FSTL5: variants seen among roughly 807,000 people sequenced by gnomAD.
FSTL5 encodes the protein follistatin like 5.
FSTL5 carries 62 observed loss-of-function variants against 89.1 expected under a neutral mutation model. That is an observed-to-expected ratio of 0.70 (90% confidence interval 0.57 to 0.86). The LOEUF (loss-of-function observed/expected upper bound fraction) is 0.86. Among genes scored for constraint, FSTL5 ranks in the 40% least tolerant of loss-of-function variants. The pLI is 0.00. For missense variants in FSTL5, 1,057 were observed against 1,001.6 expected (o/e 1.06, Z -0.75); for synonymous variants, 383 against 346.2 (o/e 1.11, Z -1.18).
chr4:161,672,707 A>T (rs536073998), intron 6 of FSTL5, among the ~76,000 whole-genome samples: 8 of 122,858 alleles, frequency 6.5e-5, no homozygotes, highest in South Asian at 2.6e-4. Context: ...CTAAGAAATT[A>T]AAAAAAAAAA....
intron 8 of FSTL5, among the ~76,000 whole-genome samples, chr4:161,576,504 A>G (rs1256945805): frequency 2.6e-5 from 4 of 152,214 alleles, no homozygotes; most frequent in Non-Finnish European, 2.9e-5. Context: ...CAGAGACCTC[A>G]GAAATAACAC....
At chr4:161,742,621 G>A (rs913045449) in intron 6 of FSTL5, among the ~76,000 whole-genome samples, 5 of 152,172 alleles carry the variant, frequency 3.3e-5, no homozygotes, top group East Asian at 3.8e-4. Context: ...TGGCAGTGAC[G>A]CGCCAGAAGA....
intron 1 of FSTL5, among the ~76,000 whole-genome samples, chr4:162,159,771 T>G (rs1270095150): frequency 1.3e-5 from 2 of 152,004 alleles, no homozygotes; most frequent in African/African-American, 4.8e-5. Context: ...ATAATTAATG[T>G]GGTGCTATAA....
intron 15 of FSTL5, among the ~76,000 whole-genome samples, chr4:161,437,552 T>A (rs1391100518): frequency 2.3e-5 from 1 of 42,990 alleles, no homozygotes. Context: ...GGTGACAGAG[T>A]GAGACTCCGT....
chr4:161,682,373 T>C (rs1737554955), intron 6 of FSTL5, among the ~76,000 whole-genome samples: 1 of 152,232 alleles, frequency 6.6e-6, no homozygotes. Flanking sequence ...TTGTGAACTT[T>C]TAAATTTTTT....
chr4:161,753,057 A>G (rs1467915497), intron 6 of FSTL5, among the ~76,000 whole-genome samples: 1 of 152,146 alleles, frequency 6.6e-6, no homozygotes, highest in African/African-American at 2.4e-5. Flanking sequence ...TATGATATCC[A>G]CTAAGACGGT....
At chr4:161,884,556 G>A (rs13148703) in intron 4 of FSTL5, among the ~76,000 whole-genome samples, 125,207 of 152,112 alleles carry the variant, frequency 0.82, 52,412 homozygotes, top group Non-Finnish European at 0.9. Flanking sequence ...GAAAAGATAC[G>A]GACTTTCTAT....
intron 2 of FSTL5, among the ~76,000 whole-genome samples, chr4:162,072,741 C>T (rs766454310): frequency 9.2e-5 from 14 of 151,556 alleles, no homozygotes; most frequent in Non-Finnish European, 1.8e-4. Flanking sequence ...CACATGGTGC[C>T]AAAATATTTA....
chr4:161,927,249 T>C (rs989621977), intron 3 of FSTL5, among the ~76,000 whole-genome samples: 5 of 151,806 alleles, frequency 3.3e-5, no homozygotes, highest in Non-Finnish European at 5.9e-5. Context: ...TGCTAAATCA[T>C]CTGCAAGACT....
chr4:161,466,998 C>CA (rs1371425039), intron 13 of FSTL5, among the ~76,000 whole-genome samples: 6 of 150,164 alleles, frequency 4.0e-5, no homozygotes, highest in Non-Finnish European at 8.8e-5. Flanking sequence ...TCCACACAGT[C>CA]AAAAACATGC....
At chr4:161,946,776 C>T (rs1218067162) in intron 3 of FSTL5, among the ~76,000 whole-genome samples, 11 of 152,132 alleles carry the variant, frequency 7.2e-5, no homozygotes, top group Non-Finnish European at 1.6e-4. Flanking sequence ...AGTGGAATTT[C>T]TGGGTCATAA....
Position 161,897,927 on chromosome 4 carries a change from T to C in FSTL5, c.409+22477A>G, listed in dbSNP as rs895222617. On this transcript the variant is annotated intron_variant, in intron 4 of 15. Transcript: ENST00000306100. ...CCTTGAGACCCAGTGATCTCCTTAC[T>C]GTCTCAATACTTTTGCCTTTTCTAA... Among the ~76,000 whole-genome samples the C allele has an allele frequency of 3.3e-5, 5 of 151,956 alleles. 1 individual carries two copies. Among genetic ancestry groups the C allele is most frequent in the Admixed American group, 6.6e-5 (1 of 15,256 alleles).
chr4:161,730,439 T>C (rs1739567580), intron 6 of FSTL5, among the ~76,000 whole-genome samples: 1 of 151,984 alleles, frequency 6.6e-6, no homozygotes, highest in Admixed American at 6.6e-5. Context: ...TTTTATTTTA[T>C]TTAACATAGA....
At chr4:161,396,664 A>G (rs1052445410) in intron 15 of FSTL5, among the ~76,000 whole-genome samples, 4 of 151,692 alleles carry the variant, frequency 2.6e-5, no homozygotes, top group African/African-American at 4.8e-5. Flanking sequence ...AAAAAAAAAA[A>G]AAAAGAAAAG....
chr4:161,605,709 T>C (rs1734415614), intron 7 of FSTL5, among the ~76,000 whole-genome samples: 1 of 152,192 alleles, frequency 6.6e-6, no homozygotes, highest in Non-Finnish European at 1.5e-5. Context: ...GTCTTCACCC[T>C]TCAGTGGAGA....
intron 7 of FSTL5, among the ~76,000 whole-genome samples, chr4:161,618,991 G>T (rs1442553632): frequency 2.0e-5 from 3 of 152,092 alleles, no homozygotes; most frequent in African/African-American, 7.2e-5. Context: ...CCAAAACAGA[G>T]ATATAGATCA....
chr4:161,506,057 T>C lies in FSTL5; in HGVS notation c.1339+4341A>G, dbSNP rs372397460. 3.3e-5 allele frequency among the ~76,000 whole-genome samples: 5 copies of C among 152,206 alleles called. No homozygotes were observed. In the East Asian group the frequency reaches 9.7e-4, roughly 30 times the overall value. ...TATTTATTTTATATTATTACTTTTATAGGCCCTGTTATTTCTGAGGCAGGA... is the reference window on the plus strand; with the variant it reads ...TATTTATTTTATATTATTACTTTTACAGGCCCTGTTATTTCTGAGGCAGGA... On this transcript the variant is annotated intron_variant, in intron 11 of 15. Coordinates refer to ENST00000306100, the MANE Select transcript of FSTL5 (RefSeq NM_020116.5).
intron 4 of FSTL5, among the ~76,000 whole-genome samples, chr4:161,857,284 T>G (rs184100572): frequency 1.3e-3 from 191 of 152,262 alleles, no homozygotes; most frequent in Non-Finnish European, 2.1e-3. Flanking sequence ...TGTTGACTAA[T>G]GTATCTGCTG....
chr4:161,812,793 T>C (rs1186950268), intron 4 of FSTL5, among the ~76,000 whole-genome samples: 2 of 143,572 alleles, frequency 1.4e-5, no homozygotes, highest in South Asian at 2.1e-4. Context: ...TCTGAGACCT[T>C]GATTAGGTAT....
Sources: allele counts gnomAD v4.1 joint callset (sites outside exome capture counted in the v4.1 genomes callset), GRCh38; gene constraint gnomAD v4.1.1; transcripts MANE v1.5; gene names NCBI Gene and HGNC (gene_info 2026-07-23, HGNC 2026-07-21).